The following SLC24A2 variants were observed in gnomAD, a reference collection of about 807,000 sequenced individuals.
SLC24A2 encodes solute carrier family 24 member 2, also known as sodium/potassium/calcium exchanger 2.
In SLC24A2, 36 loss-of-function variants were observed where a neutral mutation model predicts 62.0. The ratio of observed to expected loss-of-function variants is 0.58; its 90% confidence interval spans 0.44 to 0.77. The LOEUF (loss-of-function observed/expected upper bound fraction) is 0.77, where lower values mean the gene tolerates loss of function less well. Ranked by LOEUF, SLC24A2 falls within the 30% of genes least tolerant of loss-of-function variation. The probability of loss-of-function intolerance (pLI) is 0.00; values close to 1 mark genes in which losing one functional copy is unlikely to be tolerated. For synonymous variants in SLC24A2, 358 were observed against 294.0 expected, an observed-to-expected ratio of 1.22 and a Z score of -2.23; for missense variants, 846 against 817.9, an observed-to-expected ratio of 1.03 and a Z score of -0.42.
chr9:20,158,746 G>A, the SLC24A2 span, among the ~76,000 whole-genome samples: 1 of 151,470 alleles, frequency 6.6e-6, no homozygotes, highest in African/African-American at 2.4e-5. Flanking sequence ...AAGAAGACTT[G>A]GTGCACTTAT....
chr9:19,546,889 C>T (rs1834604925), intron 8 of SLC24A2, among the ~76,000 whole-genome samples: 1 of 152,186 alleles, frequency 6.6e-6, no homozygotes, highest in African/African-American at 2.4e-5. Context: ...GGCCAGAGTG[C>T]ACTGTTCCTC....
chr9:20,283,363 T>C, the SLC24A2 span, among the ~76,000 whole-genome samples: 1 of 152,080 alleles, frequency 6.6e-6, no homozygotes, highest in Non-Finnish European at 1.5e-5. Context: ...TGCATGGGGG[T>C]TGGAGGGAGG....
At chr9:19,751,291 C>T (rs1821975068) in intron 2 of SLC24A2, among the ~76,000 whole-genome samples, 1 of 152,156 alleles carries the variant, frequency 6.6e-6, no homozygotes, top group South Asian at 2.1e-4. Context: ...CTATCATGTC[C>T]ATATGACAGA....
At chr9:20,013,807 G>C in the SLC24A2 span, among the ~76,000 whole-genome samples, 1,532 of 152,210 alleles carry the variant, frequency 0.01, 17 homozygotes, top group Middle Eastern at 0.051. Flanking sequence ...CATTCAAATG[G>C]CCAATAGGTA....
At chr9:20,154,847 T>G in the SLC24A2 span, among the ~76,000 whole-genome samples, 1 of 151,712 alleles carries the variant, frequency 6.6e-6, no homozygotes, top group Admixed American at 6.6e-5. Flanking sequence ...GTCACGGCCC[T>G]CTGCATAACC....
chr9:20,140,743 C>G, the SLC24A2 span, among the ~76,000 whole-genome samples: 15 of 152,062 alleles, frequency 9.9e-5, no homozygotes, highest in African/African-American at 3.6e-4. Flanking sequence ...CCACCCACAA[C>G]CCCCCACTTC....
the SLC24A2 span, among the ~76,000 whole-genome samples, chr9:19,915,069 C>T: frequency 6.6e-6 from 1 of 152,110 alleles, no homozygotes; most frequent in Non-Finnish European, 1.5e-5. Flanking sequence ...ATTCCCATCA[C>T]TCCCAAAAGA....
chr9:20,150,035 C>T, the SLC24A2 span, among the ~76,000 whole-genome samples: 44 of 152,086 alleles, frequency 2.9e-4, no homozygotes, highest in African/African-American at 8.2e-4. Flanking sequence ...TGAATAGAAA[C>T]GACATGTATT....
At chr9:20,305,145 T>C in the SLC24A2 span, among the ~76,000 whole-genome samples, 2 of 150,932 alleles carry the variant, frequency 1.3e-5, no homozygotes, top group South Asian at 4.2e-4. Flanking sequence ...AGTCTTGCTC[T>C]GTCACCACGC....
At chr9:20,010,601 A>G in the SLC24A2 span, among the ~76,000 whole-genome samples, 2 of 152,128 alleles carry the variant, frequency 1.3e-5, no homozygotes, top group Non-Finnish European at 2.9e-5. Context: ...TGAAAAATTC[A>G]ATAGACATTT....
chr9:19,522,323 T>A (rs1000108567), intron 9 of SLC24A2, among the ~76,000 whole-genome samples: 2 of 152,202 alleles, frequency 1.3e-5, no homozygotes, highest in Non-Finnish European at 2.9e-5. Context: ...AACCTATTCA[T>A]GTTTTGCTGG....
At chr9:19,527,484 T>A (rs532097826) in intron 9 of SLC24A2, among the ~76,000 whole-genome samples, 3 of 152,366 alleles carry the variant, frequency 2.0e-5, no homozygotes, top group African/African-American at 7.2e-5. Context: ...ACCACTATTA[T>A]CTTTGAAAAT....
At chr9:20,022,246 A>G in the SLC24A2 span, among the ~76,000 whole-genome samples, 1 of 152,194 alleles carries the variant, frequency 6.6e-6, no homozygotes, top group Non-Finnish European at 1.5e-5. Context: ...TGTTTCCACC[A>G]TATACCACAA....
the SLC24A2 span, among the ~76,000 whole-genome samples, chr9:20,271,675 A>AT: frequency 6.6e-5 from 10 of 151,812 alleles, no homozygotes; most frequent in Admixed American, 1.3e-4. Context: ...CAGATGTTGA[A>AT]TTTTTTTTTA....
chr9:20,242,687 C>T, the SLC24A2 span, among the ~76,000 whole-genome samples: 1 of 152,224 alleles, frequency 6.6e-6, no homozygotes, highest in Non-Finnish European at 1.5e-5. Context: ...GAAAGAGCCT[C>T]CTCCTAAATA....
At chr9:20,019,152 A>AG in the SLC24A2 span, among the ~76,000 whole-genome samples, 1 of 106,740 alleles carries the variant, frequency 9.4e-6, no homozygotes, top group Non-Finnish European at 2.1e-5. Context: ...AAAGAAAGAA[A>AG]GAAAGAGAGA....
intron 2 of SLC24A2, among the ~76,000 whole-genome samples, chr9:19,771,757 G>C (rs941676540): frequency 6.6e-6 from 1 of 152,170 alleles, no homozygotes; most frequent in Admixed American, 6.5e-5. Flanking sequence ...ACATTAATCA[G>C]CTTTGTGCAA....
chr9:19,607,182 G>C (rs1420394921), intron 4 of SLC24A2, among the ~76,000 whole-genome samples: 2 of 152,148 alleles, frequency 1.3e-5, no homozygotes, highest in Admixed American at 1.3e-4. Context: ...TTTCGAATAG[G>C]AAGTCTTTGG....
At chr9:19,929,094 T>C in the SLC24A2 span, 3 of 152,228 alleles carry the variant, frequency 2.0e-5, no homozygotes, top group Non-Finnish European at 4.4e-5. Flanking sequence ...TGGTTGGGTA[T>C]CGCTTTGTCT....
Sources: allele counts gnomAD v4.1 joint callset (sites outside exome capture counted in the v4.1 genomes callset), GRCh38; gene constraint gnomAD v4.1.1; transcripts MANE v1.5; gene names NCBI Gene and HGNC (gene_info 2026-07-23, HGNC 2026-07-21).